PUM2: variants seen among roughly 807,000 people sequenced by gnomAD.
The protein encoded by PUM2 is pumilio homolog 2.
Under a neutral mutation model 124.5 loss-of-function variants are expected in PUM2, and 57 were observed. That is an observed-to-expected ratio of 0.46 (90% CI 0.37 to 0.57). The LOEUF (loss-of-function observed/expected upper bound fraction) is 0.57. Among genes scored for constraint, PUM2 ranks in the 20% least tolerant of loss-of-function variants. The pLI, the probability that PUM2 is intolerant of heterozygous loss-of-function variation, is 0.00. For missense variants in PUM2, 1,065 were observed against 1,290.6 expected, an observed-to-expected ratio of 0.83 and a Z score of 2.68; for synonymous variants, 460 against 446.1, an observed-to-expected ratio of 1.03 and a Z score of -0.39.
At position 20,256,164 on chromosome 2, in the gene PUM2, T is replaced by C. The variant is rs768302679; in HGVS notation, c.2491A>G (p.Met831Val). The C allele has an allele frequency of 1.0e-5, 16 of 1,590,298 alleles. No individual in the cohort carries two copies. The highest frequency in any genetic ancestry group is 2.7e-5 in the African/African-American group (2 of 73,334). The change falls in exon 17 of 21, where the codon ATG (methionine) becomes GTG (valine). Residue 831 changes from methionine to valine, a missense_variant. Transcript: ENST00000361078. The stretch of plus-strand genomic sequence containing the variant: ...ACATGACCATCCAGCTCCTTTACCA[T>C]TTCACTCTGCAAAAGACAGGATGTC... ...ESISSDQQSE[M>V]VKELDGHVLK...
At position 20,308,039 on chromosome 2, in the gene PUM2, T is replaced by C. The variant is rs149498911; in HGVS notation, c.822A>G (p.Gln274=). The C allele has an allele frequency of 7.9e-5, 127 of 1,613,550 alleles. 1 individual carries two copies. In the East Asian group the frequency reaches 2.7e-3, roughly 35 times the overall value. ...GCTGCTGTTGAGCTGCAGTTAACTG[T>C]TGAACTGTTAGTGCATTAGTCCTCT... is the stretch of plus-strand genomic sequence containing the variant. ...LFQRTNALTV[Q]QLTAAQQQQY... Residue 274 remains glutamine (Q), a synonymous_variant, in exon 7 of 21, where the codon CAA becomes CAG. Transcript: ENST00000361078.
intron 9 of PUM2, among the ~76,000 whole-genome samples, chr2:20,291,005 C>T (rs1673927277): frequency 6.6e-6 from 1 of 152,052 alleles, no homozygotes; most frequent in African/African-American, 2.4e-5. Flanking sequence ...TATAAAGCAA[C>T]ATGGAGGTTA....
At chr2:20,296,436 A>G (rs1372447733) in intron 8 of PUM2, among the ~76,000 whole-genome samples, 1 of 151,882 alleles carries the variant, frequency 6.6e-6, no homozygotes, top group Non-Finnish European at 1.5e-5. Flanking sequence ...CGGAGCTTGC[A>G]GTGAGCCGAG....
chr2:20,277,220 A>G (rs1055011744), intron 13 of PUM2, among the ~76,000 whole-genome samples: 2 of 152,174 alleles, frequency 1.3e-5, no homozygotes, highest in East Asian at 3.8e-4. Context: ...GATAAGTCTT[A>G]GATTTGTTGT....
chr2:20,337,970 T>C (rs976137382), intron 1 of PUM2, among the ~76,000 whole-genome samples: 1 of 152,094 alleles, frequency 6.6e-6, no homozygotes, highest in African/African-American at 2.4e-5. Flanking sequence ...ATAGGAAAAC[T>C]GGCCACAATT....
chr2:20,324,452 T>C (rs1360131188), intron 2 of PUM2, among the ~76,000 whole-genome samples: 1 of 152,234 alleles, frequency 6.6e-6, no homozygotes, highest in Admixed American at 6.5e-5. Context: ...AGTTAGATTC[T>C]GGATTTTCTG....
chr2:20,275,263 A>G (rs1669979482), intron 13 of PUM2, among the ~76,000 whole-genome samples: 1 of 152,192 alleles, frequency 6.6e-6, no homozygotes, highest in South Asian at 2.1e-4. Flanking sequence ...TTACACTGCA[A>G]TGAACTGAAA....
At chr2:20,292,657 G>T (rs963899578) in intron 9 of PUM2, among the ~76,000 whole-genome samples, 1 of 152,172 alleles carries the variant, frequency 6.6e-6, no homozygotes, top group African/African-American at 2.4e-5. Flanking sequence ...TAGGCTGGGC[G>T]CAGTGGCTCA....
At position 20,278,687 on chromosome 2, in the gene PUM2, G is replaced by A; in HGVS notation, c.1853C>T (p.Ser618Phe). The A allele has an allele frequency of 6.2e-7, 1 of 1,613,518 alleles. No individual in the cohort carries two copies. Among genetic ancestry groups the A allele is most frequent in the African/African-American group, 1.3e-5 (1 of 74,978 alleles). ...CAGAGGCATGCCTATTGGACTTGGAGAGGAGGAAAATCCCAGACTATTGTA... is the reference window on the plus strand; with the variant it reads ...CAGAGGCATGCCTATTGGACTTGGAAAGGAGGAAAATCCCAGACTATTGTA... ...PFYNSLGFSSSPSPIGMPLPS... is the reference protein window; with the variant it reads ...PFYNSLGFSSFPSPIGMPLPS... Residue 618 changes from serine to phenylalanine, a missense_variant, in exon 13 of 21, where the codon TCT becomes TTT. This residue lies in a region of PUM2 where 968 missense variants were observed against 1,159.8 expected (regional missense o/e 0.83). Transcript: ENST00000361078.
intron 5 of PUM2, among the ~76,000 whole-genome samples, chr2:20,309,062 T>A (rs546474920): frequency 6.6e-6 from 1 of 152,150 alleles, no homozygotes; most frequent in African/African-American, 2.4e-5. Flanking sequence ...AAGAAAAAAA[T>A]CTGGCCATAA....
intron 1 of PUM2, among the ~76,000 whole-genome samples, chr2:20,348,468 A>C (rs1481723543): frequency 6.6e-6 from 1 of 152,216 alleles, no homozygotes; most frequent in Non-Finnish European, 1.5e-5. Context: ...ATCAACCTCC[A>C]CTTAAAACTA....
At chr2:20,259,829 AT>A (rs1430762327) in intron 15 of PUM2, among the ~76,000 whole-genome samples, 6 of 152,158 alleles carry the variant, frequency 3.9e-5, no homozygotes, top group African/African-American at 1.4e-4. Flanking sequence ...GTGATTCAAT[AT>A]TTAATTTTGA....
chr2:20,313,835 C>CAAAAAAAAA (rs35569645), intron 3 of PUM2, among the ~76,000 whole-genome samples: 2 of 55,028 alleles, frequency 3.6e-5, no homozygotes, highest in Non-Finnish European at 3.6e-5. Flanking sequence ...GATCCTGTCT[C>CAAAAAAAAA]AAAAAAAAAA....
intron 12 of PUM2, among the ~76,000 whole-genome samples, chr2:20,279,803 A>C (rs1347024237): frequency 6.6e-6 from 1 of 152,148 alleles, no homozygotes; most frequent in Non-Finnish European, 1.5e-5. Context: ...CACAGCATGC[A>C]TCTCTAAGGG....
intron 1 of PUM2, chr2:20,350,086 G>A (rs1689006737): frequency 6.6e-6 from 1 of 152,178 alleles, no homozygotes; most frequent in African/African-American, 2.4e-5. Context: ...TAAACAAGGC[G>A]AATCCAAGTC....
intron 1 of PUM2, among the ~76,000 whole-genome samples, chr2:20,348,861 G>C (rs573383095): frequency 1.9e-4 from 29 of 152,350 alleles, no homozygotes; most frequent in African/African-American, 6.0e-4. Flanking sequence ...CCCGGGACGC[G>C]GAGGCTGCAG....
chr2:20,350,553 C>T (rs1573074656), intron 1 of PUM2, 44 bp downstream of exon 1: 2 of 985,564 alleles, frequency 2.0e-6, no homozygotes, highest in Non-Finnish European at 1.2e-6. Flanking sequence ...CCATCCTCGA[C>T]GGCGCCAAAG....
At chr2:20,336,723 G>A (rs1392588429) in intron 1 of PUM2, among the ~76,000 whole-genome samples, 1 of 142,026 alleles carries the variant, frequency 7.0e-6, no homozygotes, top group East Asian at 2.0e-4. Flanking sequence ...TACAGACGGG[G>A]TCTCACCATG....
At chr2:20,260,582 A>G in intron 14 of PUM2, 116 bp from the exon 15 acceptor site, 2 of 920,498 alleles carry the variant, frequency 2.2e-6, no homozygotes, top group Non-Finnish European at 3.1e-6. Context: ...ACCATACTTT[A>G]TATAGTAGAC....
Sources: gnomAD v4.1 joint callset for allele counts (sites outside exome capture counted in the v4.1 genomes callset) on GRCh38, gnomAD v4.1.1 for gene constraint, gnomAD v4.1.1 regional missense constraint, MANE v1.5 for transcripts, NCBI Gene and HGNC (gene_info 2026-07-23, HGNC 2026-07-21) for gene names.